Variants in ADAM9 observed in about 807,000 individuals in gnomAD.
ADAM9 encodes the protein ADAM metallopeptidase domain 9.
In ADAM9, 54 loss-of-function variants were observed where a neutral mutation model predicts 108.1. The observed-to-expected ratio is 0.50, with a 90% CI of 0.40 to 0.63. ADAM9 has a LOEUF of 0.63. ADAM9 is among the 20% of genes least tolerant of loss of function. The pLI is 0.00. For synonymous variants in ADAM9, 316 were observed against 336.0 expected (o/e 0.94, Z 0.65); for missense variants, 830 against 997.7 (o/e 0.83, Z 2.26).
intron 3 of ADAM9, among the ~76,000 whole-genome samples, chr8:39,012,136 G>C (rs188672106): frequency 1.3e-5 from 2 of 152,176 alleles, no homozygotes; most frequent in South Asian, 2.1e-4. Context: ...AGTCATCAAG[G>C]CATGACCCCC....
intron 2 of ADAM9, 142 bp from the exon 3 acceptor site, chr8:39,011,516 A>G: frequency 2.8e-6 from 2 of 706,886 alleles, no homozygotes; most frequent in Admixed American, 2.6e-5. Flanking sequence ...AAGAATAGAC[A>G]CAAAGTTCTT....
intron 14 of ADAM9, among the ~76,000 whole-genome samples, chr8:39,069,875 T>A (rs2129441132): frequency 6.6e-6 from 1 of 152,252 alleles, no homozygotes; most frequent in Admixed American, 6.5e-5. Context: ...CACTTATTTT[T>A]TGTGCATATG....
In ADAM9 at chr8:39,101,906, A is replaced by G. The variant is rs1347151975; in HGVS notation, c.2342A>G (p.Lys781Arg). Residue 781 changes from lysine (K) to arginine (R), a missense_variant, in exon 21 of 22, where the codon AAG becomes AGG. Lys to Arg is a conservative substitution (Grantham distance 26). This residue lies in a region of ADAM9 where 238 missense variants were observed against 235.7 expected (regional missense o/e 1.01). Transcript: ENST00000487273. ...TTTGCAGTACCAACCTATGCAGCCA[A>G]GCAACCTCAGCAGTTCCCATCAAGG... ...NRFAVPTYAA[K>R]QPQQFPSRPP... 4.3e-6 allele frequency: 7 copies of G among 1,613,992 alleles called. No homozygotes were observed. Among genetic ancestry groups the G allele is most frequent in the South Asian group, 1.1e-5 (1 of 91,078 alleles).
chr8:39,013,934 A>G (rs769111658), intron 3 of ADAM9, 31 bp from the exon 4 acceptor site: 19 of 1,528,858 alleles, frequency 1.2e-5, no homozygotes, highest in Non-Finnish European at 1.6e-5. Context: ...TAGATAACAT[A>G]TATATAAACG....
intron 11 of ADAM9, among the ~76,000 whole-genome samples, chr8:39,035,748 C>T (rs972942305): frequency 6.6e-6 from 1 of 152,054 alleles, no homozygotes; most frequent in Non-Finnish European, 1.5e-5. Flanking sequence ...ACCCGGGAGG[C>T]AGAGCTTGCA....
chr8:39,016,029 CCT>C, intron 4 of ADAM9, 87 bp from the exon 5 acceptor site: 1 of 1,210,146 alleles, frequency 8.3e-7, no homozygotes, highest in African/African-American at 1.5e-5. Context: ...ACTTGACTGG[CCT>C]AAAGTAATTT....
At chr8:39,066,713 C>G (rs1435388148) in intron 14 of ADAM9, among the ~76,000 whole-genome samples, 14 of 152,190 alleles carry the variant, frequency 9.2e-5, no homozygotes, top group African/African-American at 3.4e-4. Flanking sequence ...CCTGTTCACT[C>G]TGATGGTAGT....
chr8:39,069,091 G>A (rs908402258), intron 14 of ADAM9, among the ~76,000 whole-genome samples: 2 of 152,038 alleles, frequency 1.3e-5, no homozygotes, highest in Non-Finnish European at 2.9e-5. Flanking sequence ...GGAATTCTAC[G>A]GTGTAAAAAG....
At chr8:39,054,693 G>T in intron 13 of ADAM9, 120 bp downstream of exon 13, 2 of 829,598 alleles carry the variant, frequency 2.4e-6, no homozygotes, top group South Asian at 3.2e-5. Context: ...TTATGGTCAT[G>T]GGAAAAATTT....
At chr8:39,093,365 A>T (rs1432373349) in intron 20 of ADAM9, among the ~76,000 whole-genome samples, 1 of 151,712 alleles carries the variant, frequency 6.6e-6, no homozygotes, top group Admixed American at 6.6e-5. Context: ...TCTAAATGGA[A>T]TTTTTTTTCT....
chr8:39,079,378 A>ATTACAG (rs1262618284), intron 16 of ADAM9, among the ~76,000 whole-genome samples: 1 of 152,100 alleles, frequency 6.6e-6, no homozygotes, highest in Non-Finnish European at 1.5e-5. Flanking sequence ...AAGTGCTGGG[A>ATTACAG]TTACAGGTGT....
Position 39,017,064 on chromosome 8 carries a change from A to C in ADAM9, c.411-155A>C, listed in dbSNP as rs989847857. On this transcript the variant is annotated intron_variant, in intron 5 of 21. Coordinates refer to ENST00000487273, the MANE Select transcript of ADAM9 (RefSeq NM_003816.3). ...TGAGCTTTCAATTTAGGTCCGTCCC[A>C]GCCCTATCTGTCTGATTCTAAAGCC... 6 of 798,224 alleles carry C rather than the reference A, an allele frequency of 7.5e-6. No individual in the cohort carries two copies. In the African/African-American group the frequency reaches 8.7e-5, roughly 12 times the overall value. 49.4% of individuals were successfully genotyped at this position (798,224 alleles called of 1,614,324 possible).
intron 1 of ADAM9, among the ~76,000 whole-genome samples, chr8:39,003,743 A>T (rs560413497): frequency 1.3e-5 from 2 of 152,344 alleles, no homozygotes; most frequent in African/African-American, 2.4e-5. Flanking sequence ...GCAAGATGTC[A>T]ATATCAGAAT....
chr8:39,070,152 C>CAAAAAAAAAAA (rs5891052), intron 14 of ADAM9, among the ~76,000 whole-genome samples: 1 of 81,426 alleles, frequency 1.2e-5, no homozygotes, highest in Non-Finnish European at 2.4e-5. Context: ...GACTCTGTCT[C>CAAAAAAAAAAA]AAAAAAAAAA....
chr8:39,035,929 C>T (rs1837258156), intron 11 of ADAM9, among the ~76,000 whole-genome samples: 1 of 152,104 alleles, frequency 6.6e-6, no homozygotes, highest in African/African-American at 2.4e-5. Context: ...TTCCTTTTTA[C>T]TACCAAGCTG....
intron 20 of ADAM9, among the ~76,000 whole-genome samples, chr8:39,096,318 C>T (rs1839503611): frequency 4.0e-5 from 5 of 125,912 alleles, no homozygotes; most frequent in East Asian, 3.0e-4. Flanking sequence ...TCTCATTTTC[C>T]TTTGTGCATA....
chr8:39,057,084 A>G lies in ADAM9; in HGVS notation c.1591+1312A>G, dbSNP rs184448915. 1.6e-4 allele frequency among the ~76,000 whole-genome samples: 25 copies of G among 152,256 alleles called. No homozygotes were observed. In the East Asian group the frequency reaches 4.8e-3, roughly 29 times the overall value. ...TACGTTTAGATGCCATTGTGTTACC[A>G]TTGCCTACAGTATTTAGTACAGTGA... is the stretch of plus-strand genomic sequence containing the variant. On this transcript the variant is annotated intron_variant, in intron 14 of 21. Coordinates refer to ENST00000487273, the MANE Select transcript of ADAM9 (RefSeq NM_003816.3).
intron 9 of ADAM9, among the ~76,000 whole-genome samples, chr8:39,024,280 C>A (rs1489001039): frequency 6.6e-6 from 1 of 152,146 alleles, no homozygotes; most frequent in East Asian, 1.9e-4. Context: ...CGTACGCTCA[C>A]ACATCCTCGT....
chr8:39,007,365 G>T lies in ADAM9; in HGVS notation c.98-521G>T, dbSNP rs545011918. Reference sequence around the variant, plus strand: ...ACCTCCCAACACTGGCACACTGGGGGTTAAATTTCAGCGTGAGATTTGGAG... The same window carrying T: ...ACCTCCCAACACTGGCACACTGGGGTTTAAATTTCAGCGTGAGATTTGGAG... On this transcript the variant is annotated intron_variant, in intron 1 of 21. Transcript: ENST00000487273. 5.9e-5 allele frequency among the ~76,000 whole-genome samples: 9 copies of T among 152,324 alleles called. No individual in the cohort carries two copies. In the East Asian group the frequency reaches 1.7e-3, roughly 29 times the overall value.
Sources: allele counts gnomAD v4.1 joint callset (sites outside exome capture counted in the v4.1 genomes callset), GRCh38; gene constraint gnomAD v4.1.1; regional missense constraint gnomAD v4.1.1; transcripts MANE v1.5; gene names NCBI Gene and HGNC (gene_info 2026-07-23, HGNC 2026-07-21).